ZNF536: variants seen among roughly 807,000 people sequenced by gnomAD.
The protein encoded by ZNF536 is zinc finger protein 536.
Under a neutral mutation model 84.5 loss-of-function variants are expected in ZNF536, and 13 were observed. The ratio of observed to expected loss-of-function variants is 0.15; its 90% CI spans 0.10 to 0.24. The LOEUF (loss-of-function observed/expected upper bound fraction) is 0.24, where lower values mean the gene tolerates loss of function less well. Ranked by LOEUF, ZNF536 falls within the 10% of genes least tolerant of loss-of-function variation. The pLI is 1.00. For synonymous variants in ZNF536, 811 were observed against 742.5 expected (o/e 1.09, Z -1.50); for missense variants, 1,536 against 1,747.5 (o/e 0.88, Z 2.16).
chr19:30,568,508 G>A (rs1039933296), intron 1 of ZNF536, among the ~76,000 whole-genome samples: 2 of 152,148 alleles, frequency 1.3e-5, no homozygotes, highest in African/African-American at 4.8e-5. Context: ...GTATTGATTA[G>A]TCTAGAAATA....
intron 1 of ZNF536, among the ~76,000 whole-genome samples, chr19:30,410,721 G>A (rs1232593722): frequency 6.6e-5 from 10 of 151,728 alleles, no homozygotes; most frequent in Non-Finnish European, 1.2e-4. Context: ...CTCGTGATCC[G>A]CCCGCCTCGG....
downstream of ZNF536, among the ~76,000 whole-genome samples, chr19:30,561,121 A>G (rs1035707546): frequency 4.6e-5 from 7 of 152,252 alleles, no homozygotes; most frequent in Non-Finnish European, 7.3e-5. Context: ...TTGTCAAATT[A>G]ACATAATATG....
At chr19:30,305,166 G>A (rs901801372) in intron 2 of ZNF536, among the ~76,000 whole-genome samples, 2 of 152,180 alleles carry the variant, frequency 1.3e-5, no homozygotes, top group African/African-American at 4.8e-5. Context: ...AAATGGACTG[G>A]ACAGTGTGAG....
intron 1 of ZNF536, among the ~76,000 whole-genome samples, chr19:30,434,262 T>C (rs978961187): frequency 6.6e-6 from 1 of 152,166 alleles, no homozygotes; most frequent in East Asian, 1.9e-4. Flanking sequence ...TTTTAGGGGG[T>C]GACCCTCTGC....
At chr19:30,258,806 C>T (rs1212791140) in intron 1 of ZNF536, among the ~76,000 whole-genome samples, 1 of 151,874 alleles carries the variant, frequency 6.6e-6, no homozygotes, top group Non-Finnish European at 1.5e-5. Flanking sequence ...CAACCTCTGC[C>T]TCCTAGGTTC....
At chr19:30,577,479 G>A (rs903558335) in intron 1 of ZNF536, among the ~76,000 whole-genome samples, 6 of 152,038 alleles carry the variant, frequency 3.9e-5, no homozygotes, top group African/African-American at 9.7e-5. Flanking sequence ...GTGTATTTAC[G>A]ACACCAAGAT....
intron 1 of ZNF536, among the ~76,000 whole-genome samples, chr19:30,273,984 A>G (rs1185315448): frequency 1.3e-5 from 2 of 152,258 alleles, no homozygotes; most frequent in Non-Finnish European, 2.9e-5. Flanking sequence ...ATGGATTATT[A>G]TTTTCCTCTT....
chr19:30,479,726 T>A (rs77858491), intron 2 of ZNF536, among the ~76,000 whole-genome samples: 2 of 152,362 alleles, frequency 1.3e-5, no homozygotes, highest in East Asian at 3.9e-4. Context: ...CCTCGGGACA[T>A]GTGCCCTGCC....
intron 1 of ZNF536, among the ~76,000 whole-genome samples, chr19:30,676,415 C>T (rs1465873769): frequency 2.6e-5 from 4 of 152,192 alleles, no homozygotes; most frequent in Admixed American, 1.3e-4. Flanking sequence ...TCACATGCCT[C>T]CATCATAGGT....
intron 2 of ZNF536, among the ~76,000 whole-genome samples, chr19:30,474,025 C>A (rs1347965749): frequency 6.6e-6 from 1 of 152,202 alleles, no homozygotes; most frequent in African/African-American, 2.4e-5. Context: ...AGTAGCTGCT[C>A]AGTGAATATT....
At chr19:30,271,063 G>C (rs1198895993) in intron 1 of ZNF536, among the ~76,000 whole-genome samples, 1 of 152,108 alleles carries the variant, frequency 6.6e-6, no homozygotes, top group Non-Finnish European at 1.5e-5. Flanking sequence ...GGAAAGGCTT[G>C]GGAGATAAGA....
chr19:30,325,686 G>A (rs921925720), intron 2 of ZNF536, among the ~76,000 whole-genome samples: 12 of 152,182 alleles, frequency 7.9e-5, no homozygotes, highest in African/African-American at 2.7e-4. Context: ...TGCCAAGTCT[G>A]GCATTGCGCA....
chr19:30,258,548 A>G (rs1025049976), intron 1 of ZNF536, among the ~76,000 whole-genome samples: 1 of 152,172 alleles, frequency 6.6e-6, no homozygotes, highest in Non-Finnish European at 1.5e-5. Context: ...GTGCTTTATC[A>G]CCACCACTCC....
intron 1 of ZNF536, among the ~76,000 whole-genome samples, chr19:30,573,195 C>A: frequency 6.6e-6 from 1 of 152,310 alleles, no homozygotes; most frequent in East Asian, 1.9e-4. Flanking sequence ...TTCATCCAAG[C>A]TTCTCGAGGG....
Position 30,557,200 on chromosome 19 carries a change from C to T in ZNF536, c.*36C>T, listed in dbSNP as rs548989499. The T allele has an allele frequency of 2.0e-5, 32 of 1,611,988 alleles. No homozygotes were observed. Among genetic ancestry groups the T allele is most frequent in the Non-Finnish European group, 2.5e-5 (29 of 1,178,746 alleles). On this transcript the variant is annotated 3_prime_UTR_variant, in exon 5 of 5. Transcript: ENST00000355537. Reference sequence around the variant, plus strand: ...CCTAGTCGGTCTATCTGGACTTGCCCTTGTCTGTTCGTGGTCCTCGGTGGT... The same window carrying T: ...CCTAGTCGGTCTATCTGGACTTGCCTTTGTCTGTTCGTGGTCCTCGGTGGT...
chr19:30,503,922 T>TC (rs1308063338), intron 2 of ZNF536, among the ~76,000 whole-genome samples: 2 of 114,194 alleles, frequency 1.8e-5, no homozygotes, highest in Non-Finnish European at 4.1e-5. Context: ...CTTCTCTCTC[T>TC]TTTTTTTTAA....
intron 2 of ZNF536, among the ~76,000 whole-genome samples, chr19:30,284,324 G>A (rs1169932554): frequency 6.6e-6 from 1 of 152,218 alleles, no homozygotes; most frequent in Non-Finnish European, 1.5e-5. Flanking sequence ...ACAATGTGGA[G>A]ACATGTTCTT....
intron 1 of ZNF536, among the ~76,000 whole-genome samples, chr19:30,652,060 G>A (rs1301030886): frequency 2.6e-5 from 4 of 152,136 alleles, no homozygotes; most frequent in East Asian, 3.9e-4. Flanking sequence ...ACCAAGGCCA[G>A]GCCAGAGGAT....
At chr19:30,383,167 G>A (rs751267897) in intron 1 of ZNF536, among the ~76,000 whole-genome samples, 18 of 152,126 alleles carry the variant, frequency 1.2e-4, no homozygotes, top group Non-Finnish European at 2.5e-4. Context: ...CTGGGCACCT[G>A]TAATCCCAGC....
Sources: gnomAD v4.1 joint callset for allele counts (sites outside exome capture counted in the v4.1 genomes callset) on GRCh38, gnomAD v4.1.1 for gene constraint, MANE v1.5 for transcripts, NCBI Gene and HGNC (gene_info 2026-07-23, HGNC 2026-07-21) for gene names.